The following CLASRP variants were observed in gnomAD, a reference collection of about 807,000 sequenced individuals.
The protein encoded by CLASRP is CLK4 associating serine/arginine rich protein.
CLASRP carries 52 observed loss-of-function variants against 99.9 expected under a neutral mutation model. The ratio of observed to expected loss-of-function variants is 0.52; its 90% CI spans 0.42 to 0.66. CLASRP has a LOEUF of 0.66. Among genes scored for constraint, CLASRP ranks in the 30% least tolerant of loss-of-function variants. The pLI is 0.00. For missense variants in CLASRP, 848 were observed against 999.2 expected (o/e 0.85, Z 2.04); for synonymous variants, 379 against 373.0 (o/e 1.02, Z -0.18).
chr19:45,051,281 T>C (rs1972017835), intron 2 of CLASRP, among the ~76,000 whole-genome samples: 1 of 152,072 alleles, frequency 6.6e-6, no homozygotes. Context: ...AGCCACCACC[T>C]CGAGAGGAAC....
At chr19:45,045,801 A>G (rs1040651377) in intron 2 of CLASRP, among the ~76,000 whole-genome samples, 4 of 151,938 alleles carry the variant, frequency 2.6e-5, no homozygotes, top group Non-Finnish European at 5.9e-5. Flanking sequence ...CAGCGTCGCT[A>G]TCGCTCAGTA....
At chr19:45,061,321 C>T (rs375116265) in intron 10 of CLASRP, among the ~76,000 whole-genome samples, 16 of 152,238 alleles carry the variant, frequency 1.1e-4, no homozygotes, top group Non-Finnish European at 8.8e-5. Flanking sequence ...GGCACAGAGG[C>T]ACACAGAGGG....
chr19:45,045,999 A>G (rs1400293792), intron 2 of CLASRP, among the ~76,000 whole-genome samples: 1 of 152,100 alleles, frequency 6.6e-6, no homozygotes, highest in Non-Finnish European at 1.5e-5. Context: ...TCACTGGATA[A>G]TGGGGAAGAG....
intron 2 of CLASRP, among the ~76,000 whole-genome samples, chr19:45,043,195 TTGTGTGTGTGTGTG>T (rs58669276): frequency 1.6e-4 from 21 of 134,748 alleles, no homozygotes; most frequent in Middle Eastern, 3.6e-3. Context: ...AAGGAATACT[TTGTGTGTGTGTGTG>T]TGTGTGTGTG....
intron 2 of CLASRP, among the ~76,000 whole-genome samples, chr19:45,043,887 CT>C (rs971842667): frequency 0.011 from 1,603 of 145,996 alleles, 31 homozygotes; most frequent in African/African-American, 0.035. Context: ...GAATAGCTAC[CT>C]TTTTTTTTTT....
In CLASRP at chr19:45,064,576, G is replaced by C; in HGVS notation, c.1355G>C (p.Arg452Pro). Residue 452 changes from arginine to proline, a missense_variant, in exon 13 of 21, where the codon CGG becomes CCG. By Grantham distance (103) the Arg-to-Pro change is moderately radical. Transcript: ENST00000221455. ...HSGGGSRDGH[R>P]YSRSPARRGG... The stretch of plus-strand genomic sequence containing the variant: ...GGTGGGGGCTCCCGAGACGGACACC[G>C]GTACTCCCGCTCGCCCGCCCGGCGT... The C allele has an allele frequency of 2.6e-6, 4 of 1,542,220 alleles. No homozygotes were observed. Among genetic ancestry groups the C allele is most frequent in the South Asian group, 1.2e-5 (1 of 84,242 alleles).
At position 45,069,060 on chromosome 19, in the gene CLASRP, C is replaced by G. The variant is rs768365015; in HGVS notation, c.1769-6C>G. 1.2e-6 allele frequency: 2 copies of G among 1,613,540 alleles called. No homozygotes were observed. The highest frequency in any genetic ancestry group is 1.7e-6 in the Non-Finnish European group (2 of 1,179,766). ...CCCTCAGCCACCCTGTTCTTTCTCTCTACAGTCAAGGCGGATAAGAAGGCG... is the reference window on the plus strand; with the variant it reads ...CCCTCAGCCACCCTGTTCTTTCTCTGTACAGTCAAGGCGGATAAGAAGGCG... On this transcript the variant is annotated splice_region_variant and splice_polypyrimidine_tract_variant and intron_variant, in intron 16 of 20. Transcript: ENST00000221455.
chr19:45,065,670 C>G (rs867043500), intron 13 of CLASRP, among the ~76,000 whole-genome samples: 1 of 151,628 alleles, frequency 6.6e-6, no homozygotes, highest in Non-Finnish European at 1.5e-5. Context: ...CACCCCCTTC[C>G]GGTCCCCTTG....
Position 45,064,620 on chromosome 19 carries a change from C to G in CLASRP, c.1399C>G (p.Arg467Gly). 1 of 1,551,090 alleles carries G rather than the reference C, an allele frequency of 6.4e-7. No homozygotes were observed. Among genetic ancestry groups the G allele is most frequent in the East Asian group, 2.4e-5 (1 of 42,340 alleles). Residue 467 changes from arginine to glycine, a missense_variant, in exon 13 of 21, where the codon CGC becomes GGC. Coordinates refer to ENST00000221455, the MANE Select transcript of CLASRP (RefSeq NM_007056.3). ...CCGGCGTGGTGGTTACGGGCCCCGG[C>G]GCAGAAGCAGGTGTGTGTGGCTGGG... ...PARRGGYGPR[R>G]RSRSRSHSGD... is the part of the protein sequence containing the mutation.
chr19:45,062,660 C>T (rs185886292), intron 11 of CLASRP, among the ~76,000 whole-genome samples: 29 of 152,342 alleles, frequency 1.9e-4, no homozygotes, highest in East Asian at 1.9e-4. Context: ...GGATTACAGG[C>T]GTGAGCCACC....
At chr19:45,063,521 C>T (rs775374513) in intron 11 of CLASRP, among the ~76,000 whole-genome samples, 1 of 137,198 alleles carries the variant, frequency 7.3e-6, no homozygotes, top group Non-Finnish European at 1.5e-5. Context: ...CCTGGACTCA[C>T]TGCAACCTCT....
At chr19:45,047,200 G>A (rs1223622355) in intron 2 of CLASRP, among the ~76,000 whole-genome samples, 1 of 152,098 alleles carries the variant, frequency 6.6e-6, no homozygotes, top group Non-Finnish European at 1.5e-5. Flanking sequence ...TCTTAAAAAA[G>A]AAAGAAATCC....
intron 2 of CLASRP, among the ~76,000 whole-genome samples, chr19:45,051,369 G>A (rs986334347): frequency 9.9e-5 from 15 of 151,616 alleles, no homozygotes; most frequent in Non-Finnish European, 1.9e-4. Flanking sequence ...GCTAGAGTGC[G>A]GTGACACAAT....
Position 45,064,534 on chromosome 19 carries a change from G to C in CLASRP, c.1313G>C (p.Arg438Pro). The change falls in exon 13 of 21, where the codon CGT (arginine) becomes CCT (proline). Residue 438 changes from arginine (R) to proline (P), a missense_variant. Physicochemically the swap from Arg to Pro is moderately radical, Grantham distance 103 (BLOSUM62 -2). Around this residue, in one of 8 missense-constraint regions of CLASRP, gnomAD observed 489 missense variants for 434.7 expected, o/e 1.12. Transcript: ENST00000221455. ...CGGCGCTATTCCCGGTCCCGTAGCC[G>C]TGGCCGGCGGCACTCAGGTGGGGGC... ...RSRRYSRSRS[R>P]GRRHSGGGSR... is the part of the protein sequence containing the mutation. The C allele has an allele frequency of 1.3e-6, 2 of 1,537,824 alleles. No homozygotes were observed. Among genetic ancestry groups the C allele is most frequent in the Non-Finnish European group, 1.7e-6 (2 of 1,146,280 alleles).
chr19:45,067,171 G>A lies in CLASRP; in HGVS notation c.1410-166G>A, dbSNP rs988739688. Among the ~76,000 whole-genome samples the A allele has an allele frequency of 7.2e-5, 11 of 152,218 alleles. No homozygotes were observed. Among genetic ancestry groups the A allele is most frequent in the Admixed American group, 5.9e-4 (9 of 15,282 alleles). ...CCATCTCTGTAGCCGGAGGGAGGCC[G>A]GAATGCCGCTCTGGGACATTTTGGA... On this transcript the variant is annotated intron_variant, in intron 13 of 20. Coordinates refer to ENST00000221455, the MANE Select transcript of CLASRP (RefSeq NM_007056.3). This position sits in a 1 kb window ranked among gnomAD's most constrained non-coding sequence, Gnocchi z 4.9.
At chr19:45,062,327 G>A (rs1966959245) in intron 11 of CLASRP, 132 bp downstream of exon 11, 1 of 634,298 alleles carries the variant, frequency 1.6e-6, no homozygotes, top group African/African-American at 1.8e-5. Flanking sequence ...TATGTTCTGG[G>A]TCTGAATCAT....
chr19:45,049,041 A>G lies in CLASRP; in HGVS notation c.100-3030A>G, dbSNP rs1317858838. 4.6e-5 allele frequency among the ~76,000 whole-genome samples: 7 copies of G among 151,964 alleles called. No homozygotes were observed. The East Asian group carries it at 1.4e-3, about 29-fold the overall frequency. ...CATGGTTGGGACATTCGAGTGAGAC[A>G]GTGCACATAAAACAGTGCCTGGTTT... On this transcript the variant is annotated intron_variant, in intron 2 of 20. Transcript: ENST00000221455.
chr19:45,062,463 C>T (rs1331172195), intron 11 of CLASRP, among the ~76,000 whole-genome samples: 2 of 152,212 alleles, frequency 1.3e-5, no homozygotes, highest in African/African-American at 2.4e-5. Context: ...CTACAAGCTC[C>T]GCCTCCCAGG....
intron 12 of CLASRP, 23 bp downstream of exon 12, chr19:45,064,250 G>GCCCTACGCC: frequency 6.4e-7 from 1 of 1,557,968 alleles, no homozygotes; most frequent in South Asian, 1.2e-5. Context: ...CACGCCGCCC[G>GCCCTACGCC]CCCTACGCCC....
Sources: allele counts gnomAD v4.1 joint callset (sites outside exome capture counted in the v4.1 genomes callset), GRCh38; gene constraint gnomAD v4.1.1; regional missense constraint gnomAD v4.1.1; non-coding constraint Gnocchi (gnomAD v3.1); transcripts MANE v1.5; gene names NCBI Gene and HGNC (gene_info 2026-07-23, HGNC 2026-07-21).